PTPRO: variants seen among roughly 807,000 people sequenced by gnomAD.
The protein encoded by PTPRO is protein tyrosine phosphatase receptor type O, also known as receptor-type tyrosine-protein phosphatase O.
A neutral mutation model predicts 145.2 loss-of-function variants in PTPRO; 62 were observed. The observed-to-expected ratio is 0.43, with a 90% CI of 0.35 to 0.53. The LOEUF is 0.53. PTPRO is among the 20% of genes least tolerant of loss of function. The pLI, the probability that PTPRO is intolerant of heterozygous loss-of-function variation, is 0.01. For missense variants in PTPRO, 1,345 were observed against 1,482.7 expected, an observed-to-expected ratio of 0.91 and a Z score of 1.53; for synonymous variants, 565 against 514.7, an observed-to-expected ratio of 1.10 and a Z score of -1.32.
chr12:15,376,006 T>C (rs1379424602), intron 1 of PTPRO, among the ~76,000 whole-genome samples: 4 of 152,144 alleles, frequency 2.6e-5, no homozygotes, highest in Non-Finnish European at 5.9e-5. Flanking sequence ...CAGGGACCTG[T>C]GGGACACCAT....
intron 1 of PTPRO, among the ~76,000 whole-genome samples, chr12:15,330,496 G>T (rs1337181834): frequency 6.6e-6 from 1 of 152,178 alleles, no homozygotes; most frequent in Non-Finnish European, 1.5e-5. Context: ...CCAGTGCCAG[G>T]AAGTGTCCCT....
At chr12:15,335,202 T>C (rs1042558416) in intron 1 of PTPRO, among the ~76,000 whole-genome samples, 2 of 152,076 alleles carry the variant, frequency 1.3e-5, no homozygotes, top group Non-Finnish European at 1.5e-5. Context: ...TTAAGAAATA[T>C]CTTCTCATTT....
At chr12:15,558,678 T>A (rs1211223948) in intron 16 of PTPRO, among the ~76,000 whole-genome samples, 1 of 152,210 alleles carries the variant, frequency 6.6e-6, no homozygotes, top group Non-Finnish European at 1.5e-5. Flanking sequence ...TTCTTTCTGT[T>A]TACTAACTCC....
chr12:15,339,853 T>G (rs980646813), intron 1 of PTPRO, among the ~76,000 whole-genome samples: 3 of 152,208 alleles, frequency 2.0e-5, no homozygotes, highest in Admixed American at 6.5e-5. Context: ...TAAAACTACA[T>G]GTTGCTAGCC....
Position 15,581,761 on chromosome 12 carries a change from A to G in PTPRO, c.3215A>G (p.Glu1072Gly), listed in dbSNP as rs376692085. 3.7e-6 allele frequency: 6 copies of G among 1,613,944 alleles called. No homozygotes were observed. In the African/African-American group the frequency reaches 6.7e-5, roughly 18 times the overall value. The change falls in exon 23 of 27, where the codon GAG becomes GGG. Residue 1072 changes from glutamate (E) to glycine (G), a missense_variant. By Grantham distance (98) the Glu-to-Gly change is moderately conservative. This residue lies in a region of PTPRO where 208 missense variants were observed against 242.8 expected (regional missense o/e 0.86). Transcript: ENST00000281171. Reference sequence around the variant, plus strand: ...ACTGTGGAGATGATTTCAGAGGAAGAGCAGGACGACTGGGCCTGTAGACAC... The same window carrying G: ...ACTGTGGAGATGATTTCAGAGGAAGGGCAGGACGACTGGGCCTGTAGACAC... The part of the protein sequence containing the change: ...DITVEMISEE[E>G]QDDWACRHFR...
Position 15,595,092 on chromosome 12 carries a change from C to G in PTPRO, c.*16+35C>G, listed in dbSNP as rs764100151. ...GAAGAGCTCTCCACGAGTGCTCAGT[C>G]TTAGAACTATTAGAGGGGGATGTGA... On this transcript the variant is annotated intron_variant, in intron 26 of 26. Coordinates refer to ENST00000281171, the MANE Select transcript of PTPRO (RefSeq NM_030667.3). 6.7e-6 allele frequency: 9 copies of G among 1,350,828 alleles called. No individual in the cohort carries two copies. The African/African-American group carries it at 1.3e-4, about 19-fold the overall frequency. 83.7% of individuals were successfully genotyped at this position (1,350,828 alleles called of 1,614,324 possible).
intron 1 of PTPRO, among the ~76,000 whole-genome samples, chr12:15,473,129 G>A (rs1941578768): frequency 6.6e-6 from 1 of 152,174 alleles, no homozygotes; most frequent in Admixed American, 6.5e-5. Flanking sequence ...TGTCCCATAA[G>A]AAGGTGCAAG....
At chr12:15,378,807 C>T (rs56881537) in intron 1 of PTPRO, among the ~76,000 whole-genome samples, 30,076 of 152,104 alleles carry the variant, frequency 0.2, 7,372 homozygotes, top group African/African-American at 0.58. Context: ...GAGAAAGAAT[C>T]TGTATCTTGA....
chr12:15,468,693 C>G (rs1941472564), intron 1 of PTPRO, among the ~76,000 whole-genome samples: 1 of 152,178 alleles, frequency 6.6e-6, no homozygotes, highest in Non-Finnish European at 1.5e-5. Flanking sequence ...ACTCAAAACA[C>G]CACTAGAACA....
chr12:15,385,463 G>T (rs1938994945), intron 1 of PTPRO, among the ~76,000 whole-genome samples: 1 of 152,138 alleles, frequency 6.6e-6, no homozygotes, highest in Non-Finnish European at 1.5e-5. Context: ...TGGAGAGGAA[G>T]GAGGTTAGGA....
chr12:15,345,692 C>T (rs968376059), intron 1 of PTPRO, among the ~76,000 whole-genome samples: 1 of 151,984 alleles, frequency 6.6e-6, no homozygotes, highest in Non-Finnish European at 1.5e-5. Flanking sequence ...CACGTTTATA[C>T]CTATGTAACA....
intron 1 of PTPRO, among the ~76,000 whole-genome samples, chr12:15,420,676 T>C (rs960268373): frequency 2.7e-5 from 4 of 148,116 alleles, no homozygotes; most frequent in African/African-American, 1.1e-4. Flanking sequence ...CATGTTATTA[T>C]AACTACACTG....
chr12:15,520,405 A>G (rs886155555), intron 10 of PTPRO, 93 bp downstream of exon 10: 1 of 865,288 alleles, frequency 1.2e-6, no homozygotes, highest in African/African-American at 1.7e-5. Flanking sequence ...CCAGTCATTC[A>G]CCCAGCACTG....
chr12:15,397,121 G>A (rs1939362671), intron 1 of PTPRO, among the ~76,000 whole-genome samples: 1 of 151,740 alleles, frequency 6.6e-6, no homozygotes, highest in Non-Finnish European at 1.5e-5. Flanking sequence ...TAATATTTTA[G>A]CCACTGGCAT....
intron 17 of PTPRO, among the ~76,000 whole-genome samples, chr12:15,563,796 C>T (rs1233645977): frequency 6.6e-6 from 1 of 152,022 alleles, no homozygotes; most frequent in African/African-American, 2.4e-5. Context: ...TCTTTTAAAG[C>T]CTGTTTGGAT....
In PTPRO at chr12:15,335,863, A is replaced by T. The variant is rs538277186; in HGVS notation, c.75+13062A>T. On this transcript the variant is annotated intron_variant, in intron 1 of 26. Coordinates refer to ENST00000281171, the MANE Select transcript of PTPRO (RefSeq NM_030667.3). ...TTGGTTCATTTCTACTGCTAGATTG[A>T]TGTAACATCTTTCTTTTCTGAAGGA... 6.6e-4 allele frequency among the ~76,000 whole-genome samples: 100 copies of T among 152,138 alleles called. 1 individual carries two copies. The highest frequency in any genetic ancestry group is 1.3e-3 in the Non-Finnish European group (87 of 67,996).
At position 15,580,828 on chromosome 12, in the gene PTPRO, G is replaced by T. The variant is rs1470094987; in HGVS notation, c.3129G>T (p.Arg1043Ser). 6.2e-7 allele frequency: 1 copy of T among 1,613,896 alleles called. No homozygotes were observed. The highest frequency in any genetic ancestry group is 1.3e-5 in the African/African-American group (1 of 75,042). Residue 1043 changes from arginine (R) to serine (S), a missense_variant, in exon 22 of 27, where the codon AGG becomes AGT. Physicochemically the swap from Arg to Ser is moderately radical, Grantham distance 110. Coordinates refer to ENST00000281171, the MANE Select transcript of PTPRO (RefSeq NM_030667.3). ...TGCTCACTCAGTGTAATGAGAAAAG[G>T]AGGGTACGTACTTACTGAAACTGCT... is the stretch of plus-strand genomic sequence containing the variant. ...IVMLTQCNEK[R>S]RVKCDHYWPF...
chr12:15,531,695 A>G (rs905862308), intron 12 of PTPRO, among the ~76,000 whole-genome samples: 9 of 152,218 alleles, frequency 5.9e-5, no homozygotes, highest in African/African-American at 2.2e-4. Flanking sequence ...AGACAGTATG[A>G]CCGAAAGAGT....
chr12:15,467,432 A>G (rs61908038), intron 1 of PTPRO, among the ~76,000 whole-genome samples: 11 of 91,984 alleles, frequency 1.2e-4, no homozygotes, highest in African/African-American at 2.5e-4. Context: ...GTGTGTGTGT[A>G]TGTGTGTGTG....
Sources: allele counts gnomAD v4.1 joint callset (sites outside exome capture counted in the v4.1 genomes callset), GRCh38; gene constraint gnomAD v4.1.1; regional missense constraint gnomAD v4.1.1; transcripts MANE v1.5; gene names NCBI Gene and HGNC (gene_info 2026-07-23, HGNC 2026-07-21).